The following MBD2 variants were observed in gnomAD, a reference collection of about 807,000 sequenced individuals.
The protein encoded by MBD2 is methyl-CpG-binding domain protein 2.
MBD2 carries 9 observed loss-of-function variants against 39.3 expected under a neutral mutation model. That is an observed-to-expected ratio of 0.23 (90% CI 0.14 to 0.40). The LOEUF is 0.40. Among genes scored for constraint, MBD2 ranks in the 10% least tolerant of loss-of-function variants. MBD2 has a pLI of 1.00. For missense variants in MBD2, 458 were observed against 532.6 expected (o/e 0.86, Z 1.38); for synonymous variants, 233 against 211.1 (o/e 1.10, Z -0.90).
At chr18:54,222,734 A>C (rs1402542894) in intron 1 of MBD2, among the ~76,000 whole-genome samples, 1 of 152,244 alleles carries the variant, frequency 6.6e-6, no homozygotes, top group East Asian at 1.9e-4. Flanking sequence ...AGTTGAGGTG[A>C]AGTGAACTTA....
intron 3 of MBD2, among the ~76,000 whole-genome samples, chr18:54,172,106 A>G (rs769047347): frequency 1.6e-4 from 25 of 152,244 alleles, no homozygotes; most frequent in Non-Finnish European, 2.4e-4. Context: ...TAGATACTGT[A>G]TAAGTCTCAA....
intron 3 of MBD2, among the ~76,000 whole-genome samples, chr18:54,175,407 A>G (rs2086204853): frequency 6.6e-6 from 1 of 152,232 alleles, no homozygotes; most frequent in African/African-American, 2.4e-5. Flanking sequence ...TTTTAGAGAA[A>G]TAAGAATCCT....
chr18:54,158,428 G>T (rs2086069716), intron 6 of MBD2, among the ~76,000 whole-genome samples: 2 of 152,106 alleles, frequency 1.3e-5, no homozygotes, highest in Non-Finnish European at 2.9e-5. Flanking sequence ...TGGCTTCAAA[G>T]GAAACTAGTA....
At chr18:54,211,430 C>A (rs930740718) in intron 1 of MBD2, among the ~76,000 whole-genome samples, 1 of 151,792 alleles carries the variant, frequency 6.6e-6, no homozygotes, top group Non-Finnish European at 1.5e-5. Flanking sequence ...CACGCAAGCA[C>A]GCACGAGAAA....
intron 3 of MBD2, among the ~76,000 whole-genome samples, chr18:54,181,558 G>C (rs373276917): frequency 1.3e-5 from 2 of 151,898 alleles, no homozygotes; most frequent in African/African-American, 2.4e-5. Context: ...GGAGTGCAGC[G>C]GTGCGATCTC....
Position 54,153,354 on chromosome 18 carries a change from T to A in MBD2, c.*1970A>T, listed in dbSNP as rs1599069586. The A allele has an allele frequency of 6.6e-6, 1 of 152,222 alleles. No individual in the cohort carries two copies. Among genetic ancestry groups the A allele is most frequent in the East Asian group, 1.9e-4 (1 of 5,184 alleles). 9.4% of individuals were successfully genotyped at this position (152,222 alleles called of 1,614,324 possible). A position where few individuals can be genotyped will look rare whatever the true frequency, so the allele number is the denominator to read the frequency against. On this transcript the variant is annotated 3_prime_UTR_variant, in exon 7 of 7. Coordinates refer to ENST00000256429, the MANE Select transcript of MBD2 (RefSeq NM_003927.5). ...AGGTGATGAAGTTTTGAACATGTTG[T>A]CTTGTGGGTATATTGGGAACACCCT... is the stretch of plus-strand genomic sequence containing the variant.
At chr18:54,180,737 A>G (rs773795641) in intron 3 of MBD2, among the ~76,000 whole-genome samples, 5 of 152,140 alleles carry the variant, frequency 3.3e-5, no homozygotes, top group Non-Finnish European at 7.4e-5. Flanking sequence ...TTTTAAAAAC[A>G]CTATTCGATT....
rs1211071727 is a variant in MBD2, at chr18:54,180,897, C to CTTTTTTTTTTTTTTTTTT, written c.840+7976_840+7977insAAAAAAAAAAAAAAAAAA. On this transcript the variant is annotated intron_variant, in intron 3 of 6. Coordinates refer to ENST00000256429, the MANE Select transcript of MBD2 (RefSeq NM_003927.5). ...CAGCCTATGTATTCCTTAATTTTTT[C>CTTTTTTTTTTTTTTTTTT]TTTTTCTTTTTTTTTTTTTTTTTTT... Among the ~76,000 whole-genome samples the CTTTTTTTTTTTTTTTTTT allele has an allele frequency of 5.6e-4, 59 of 105,368 alleles. 2 individuals carry two copies. Among genetic ancestry groups the CTTTTTTTTTTTTTTTTTT allele is most frequent in the Non-Finnish European group, 9.2e-4 (51 of 55,306 alleles). 69.1% of individuals were successfully genotyped at this position (105,368 alleles called of 152,430 possible).
At chr18:54,164,456 A>C in intron 5 of MBD2, 67 bp downstream of exon 5, 1 of 1,443,532 alleles carries the variant, frequency 6.9e-7, no homozygotes, top group Non-Finnish European at 9.7e-7. Context: ...ACTGAACCTA[A>C]TGAACAGTAA....
intron 1 of MBD2, 49 bp downstream of exon 1, chr18:54,223,969 C>T (rs1320379129): frequency 4.7e-6 from 7 of 1,489,156 alleles, no homozygotes; most frequent in African/African-American, 1.4e-5. Context: ...CTCTTGACCC[C>T]TGACCCCGGC....
chr18:54,161,748 C>T (rs1268873515), intron 5 of MBD2, among the ~76,000 whole-genome samples: 5 of 152,206 alleles, frequency 3.3e-5, no homozygotes, highest in Admixed American at 1.3e-4. Context: ...CCAACAGTCC[C>T]TCTTCCCCAA....
Position 54,224,198 on chromosome 18 carries a change from GCGCCGCCGCCACCGCTGCCGC to G in MBD2, c.341_361del (p.Gly114_Gly120del), listed in dbSNP as rs778950652. 1.2e-5 allele frequency: 15 copies of G among 1,206,182 alleles called. No individual in the cohort carries two copies. Among genetic ancestry groups the G allele is most frequent in the African/African-American group, 9.6e-5 (6 of 62,438 alleles). The allele number at this position is 1,206,182 out of a possible 1,614,324, so 74.7% of individuals were successfully genotyped here. A position where few individuals can be genotyped will look rare whatever the true frequency, so the allele number is the denominator to read the frequency against. ...GAAAGGGACCGGCTCCCGCCGGGGG[GCGCCGCCGCCACCGCTGCCGC>G]CGCCGCCGCAGCCGCCGCCGTCGCC... On this transcript the variant is annotated inframe_deletion, in exon 1 of 7. Transcript: ENST00000256429.
chr18:54,203,118 G>A (rs981505215), intron 2 of MBD2: 37 of 1,611,852 alleles, frequency 2.3e-5, no homozygotes, highest in African/African-American at 1.1e-4. Flanking sequence ...GCAGAAAAGT[G>A]CACACAAACT....
chr18:54,159,143 A>C (rs1289570936), intron 6 of MBD2, among the ~76,000 whole-genome samples: 1 of 152,092 alleles, frequency 6.6e-6, no homozygotes, highest in Non-Finnish European at 1.5e-5. Context: ...TCCTCCCTAC[A>C]TGACAAAGTC....
intron 1 of MBD2, among the ~76,000 whole-genome samples, chr18:54,223,200 T>G (rs530645749): frequency 9.2e-5 from 14 of 152,206 alleles, no homozygotes; most frequent in Non-Finnish European, 1.8e-4. Flanking sequence ...ACTGAAGACA[T>G]CAGCAGCATG....
chr18:54,180,658 A>G (rs562904237), intron 3 of MBD2, among the ~76,000 whole-genome samples: 53 of 152,278 alleles, frequency 3.5e-4, no homozygotes, highest in African/African-American at 1.3e-3. Flanking sequence ...ATAAGAATTA[A>G]GAATAAATGT....
chr18:54,219,616 AC>A (rs2086592991), intron 1 of MBD2, among the ~76,000 whole-genome samples: 1 of 152,248 alleles, frequency 6.6e-6, no homozygotes, highest in South Asian at 2.1e-4. Flanking sequence ...GACAATAGTC[AC>A]ATTGCTTACC....
intron 1 of MBD2, among the ~76,000 whole-genome samples, chr18:54,211,709 T>C (rs1433957393): frequency 6.6e-6 from 1 of 152,176 alleles, no homozygotes; most frequent in Non-Finnish European, 1.5e-5. Flanking sequence ...ACTTTGCTCG[T>C]CTCTTTGCAT....
At chr18:54,195,469 C>T (rs642383) in intron 2 of MBD2, among the ~76,000 whole-genome samples, 5,802 of 151,992 alleles carry the variant, frequency 0.038, 357 homozygotes, top group African/African-American at 0.13. Flanking sequence ...TTGCATACAC[C>T]GCACACTCCC....
Sources: gnomAD v4.1 joint callset for allele counts (sites outside exome capture counted in the v4.1 genomes callset) on GRCh38, gnomAD v4.1.1 for gene constraint, MANE v1.5 for transcripts, NCBI Gene and HGNC (gene_info 2026-07-23, HGNC 2026-07-21) for gene names.